TYW1B: variants seen among roughly 807,000 people sequenced by gnomAD.
TYW1B encodes S-adenosyl-L-methionine-dependent tRNA 4-demethylwyosine synthase TYW1B.
In TYW1B, 73 loss-of-function variants were observed where a neutral mutation model predicts 86.9. The observed-to-expected ratio is 0.84, with a 90% CI of 0.70 to 1.02. The LOEUF (loss-of-function observed/expected upper bound fraction) is 1.02. TYW1B is among the 50% of genes least tolerant of loss of function. The probability of loss-of-function intolerance (pLI) is 0.00; values close to 1 mark genes in which losing one functional copy is unlikely to be tolerated. For missense variants in TYW1B, 637 were observed against 827.4 expected, an observed-to-expected ratio of 0.77 and a Z score of 2.82; for synonymous variants, 248 against 292.8, an observed-to-expected ratio of 0.85 and a Z score of 1.56.
At chr7:72,595,848 T>A (rs560138161) in intron 13 of TYW1B, among the ~76,000 whole-genome samples, 1 of 151,884 alleles carries the variant, frequency 6.6e-6, no homozygotes, top group Admixed American at 6.6e-5. Flanking sequence ...TAGAAATACA[T>A]CCCATGTTCA....
At chr7:72,618,246 T>TC (rs1554437287) in intron 12 of TYW1B, among the ~76,000 whole-genome samples, 1 of 148,664 alleles carries the variant, frequency 6.7e-6, no homozygotes, top group African/African-American at 2.5e-5. Context: ...TTTTTTTTTT[T>TC]TTTTTTGTTG....
At chr7:72,596,179 C>CAAAAAAAAAA (rs58325295) in intron 13 of TYW1B, among the ~76,000 whole-genome samples, 9 of 56,410 alleles carry the variant, frequency 1.6e-4, no homozygotes, top group Non-Finnish European at 1.6e-4. Context: ...AACTCTGTCT[C>CAAAAAAAAAA]AAAAAAAAAA....
chr7:72,618,758 A>C (rs1160698333), intron 12 of TYW1B, among the ~76,000 whole-genome samples: 1 of 152,228 alleles, frequency 6.6e-6, no homozygotes, highest in Non-Finnish European at 1.5e-5. Flanking sequence ...AGAATTCATT[A>C]AACGGAGTTG....
intron 6 of TYW1B, among the ~76,000 whole-genome samples, chr7:72,780,394 A>C (rs536443878): frequency 5.3e-5 from 8 of 152,318 alleles, no homozygotes; most frequent in African/African-American, 1.9e-4. Flanking sequence ...ATCATGTAAA[A>C]AATTGAAAAG....
intron 7 of TYW1B, among the ~76,000 whole-genome samples, chr7:72,745,211 A>G (rs562219445): frequency 3.2e-4 from 49 of 152,158 alleles, no homozygotes; most frequent in African/African-American, 1.2e-3. Context: ...TTTTGTAGAG[A>G]TGAGGTCTCA....
chr7:72,796,525 C>T (rs1329325902), intron 6 of TYW1B, among the ~76,000 whole-genome samples: 2 of 151,732 alleles, frequency 1.3e-5, no homozygotes, highest in African/African-American at 2.4e-5. Context: ...CATGAGCCAC[C>T]GCGCCAGGCC....
intron 13 of TYW1B, among the ~76,000 whole-genome samples, chr7:72,609,166 T>C (rs1554435455): frequency 1.3e-5 from 2 of 152,194 alleles, no homozygotes; most frequent in African/African-American, 4.8e-5. Flanking sequence ...GGTATTCAGT[T>C]TTCTTTTGTG....
At chr7:72,769,518 C>T (rs1214880852) in intron 7 of TYW1B, among the ~76,000 whole-genome samples, 2 of 152,060 alleles carry the variant, frequency 1.3e-5, no homozygotes, top group African/African-American at 4.8e-5. Context: ...TCCTGCACCA[C>T]AGAAATACAA....
intron 13 of TYW1B, among the ~76,000 whole-genome samples, chr7:72,582,857 G>T (rs1490673281): frequency 2.0e-5 from 3 of 152,154 alleles, no homozygotes; most frequent in African/African-American, 7.2e-5. Flanking sequence ...AATAATAAAA[G>T]TTAACCAAAG....
chr7:72,677,093 T>C (rs1487896119), intron 11 of TYW1B, among the ~76,000 whole-genome samples: 1 of 152,212 alleles, frequency 6.6e-6, no homozygotes, highest in African/African-American at 2.4e-5. Flanking sequence ...AATCATACTT[T>C]AGAAGGGTGA....
intron 10 of TYW1B, among the ~76,000 whole-genome samples, chr7:72,703,020 ATATATATTT>A (rs1287318920): frequency 2.0e-3 from 20 of 10,150 alleles, no homozygotes; most frequent in East Asian, 0.019. Context: ...ATATATATAT[ATATATATTT>A]TTTTTTTTTT....
At chr7:72,781,038 A>G (rs1370839329) in intron 6 of TYW1B, among the ~76,000 whole-genome samples, 1 of 151,898 alleles carries the variant, frequency 6.6e-6, no homozygotes, top group Admixed American at 6.6e-5. Flanking sequence ...CCTCTCCTGT[A>G]CCATCCCATT....
intron 11 of TYW1B, among the ~76,000 whole-genome samples, chr7:72,692,422 G>A (rs1185846864): frequency 7.2e-5 from 11 of 152,066 alleles, no homozygotes; most frequent in Non-Finnish European, 1.6e-4. Flanking sequence ...GCTGAGGCAG[G>A]AGGATCATTT....
At chr7:72,729,058 C>G in intron 8 of TYW1B, 127 bp from the exon 9 acceptor site, 8 of 778,752 alleles carry the variant, frequency 1.0e-5, no homozygotes, top group Non-Finnish European at 1.7e-5. Flanking sequence ...AGAGTTCAAC[C>G]ACGTATAGTG....
chr7:72,597,624 CAATT>C (rs1290615459), intron 13 of TYW1B, among the ~76,000 whole-genome samples: 1 of 151,920 alleles, frequency 6.6e-6, no homozygotes, highest in Non-Finnish European at 1.5e-5. Flanking sequence ...CTGGGCAAGA[CAATT>C]AAGAAAAGAT....
At chr7:72,788,344 A>T (rs1788163751) in intron 6 of TYW1B, among the ~76,000 whole-genome samples, 1 of 152,190 alleles carries the variant, frequency 6.6e-6, no homozygotes, top group Non-Finnish European at 1.5e-5. Flanking sequence ...AAAATGACAA[A>T]GACCACATGG....
chr7:72,824,407 C>T (rs1242648542), intron 2 of TYW1B, among the ~76,000 whole-genome samples: 2 of 152,020 alleles, frequency 1.3e-5, no homozygotes, highest in Non-Finnish European at 2.9e-5. Flanking sequence ...CAAGACCAGC[C>T]TGGACAAGAT....
At chr7:72,675,077 G>T (rs529164033) in intron 11 of TYW1B, among the ~76,000 whole-genome samples, 1 of 151,964 alleles carries the variant, frequency 6.6e-6, no homozygotes, top group Non-Finnish European at 1.5e-5. Flanking sequence ...TGAAACAACC[G>T]ATTCCCAATG....
chr7:72,769,677 T>C (rs1787833185), intron 7 of TYW1B, among the ~76,000 whole-genome samples: 1 of 152,186 alleles, frequency 6.6e-6, no homozygotes, highest in South Asian at 2.1e-4. Context: ...CCACAACATA[T>C]AAAGAACTTC....
Sources: allele counts gnomAD v4.1 joint callset (sites outside exome capture counted in the v4.1 genomes callset), GRCh38; gene constraint gnomAD v4.1.1; transcripts MANE v1.5; gene names NCBI Gene and HGNC (gene_info 2026-07-23, HGNC 2026-07-21).